The following HMGA2 variants were observed in gnomAD, a reference collection of about 807,000 sequenced individuals.
HMGA2 encodes the protein high mobility group AT-hook 2, also known as high mobility group protein HMGI-C.
Under a neutral mutation model 19.1 loss-of-function variants are expected in HMGA2, and 8 were observed. The ratio of observed to expected loss-of-function variants is 0.42; its 90% CI spans 0.25 to 0.76. The LOEUF (loss-of-function observed/expected upper bound fraction) is 0.76. Ranked by LOEUF, HMGA2 falls within the 30% of genes least tolerant of loss-of-function variation. The pLI, the probability that HMGA2 is intolerant of heterozygous loss-of-function variation, is 0.28. For synonymous variants in HMGA2, 60 were observed against 48.8 expected (o/e 1.23, Z -0.96); for missense variants, 109 against 136.3 (o/e 0.80, Z 1.00).
At chr12:65,879,913 GATGAATAGAAATCAT>G (rs1341647913) in intron 3 of HMGA2, among the ~76,000 whole-genome samples, 1 of 152,088 alleles carries the variant, frequency 6.6e-6, no homozygotes, top group Non-Finnish European at 1.5e-5. Context: ...AAAACAACTC[GATGAATAGAAATCAT>G]AAAAGCCATC....
Position 65,948,785 on chromosome 12 carries a change from T to C in HMGA2, c.250-2598T>C, listed in dbSNP as rs1313170831. Among the ~76,000 whole-genome samples, 3 of 152,170 alleles carry C rather than the reference T, an allele frequency of 2.0e-5. 1 individual carries two copies. Among genetic ancestry groups the C allele is most frequent in the African/African-American group, 7.2e-5 (3 of 41,446 alleles). ...GCCAGGGCTGGCAGAGATTCAGACA[T>C]TGTCTTTCCCCTCATTGAAGTGTCA... On this transcript the variant is annotated intron_variant, in intron 3 of 4. Coordinates refer to ENST00000403681, the MANE Select transcript of HMGA2 (RefSeq NM_003483.6).
At position 65,828,017 on chromosome 12, in the gene HMGA2, C is replaced by T. The variant is rs1870295897; in HGVS notation, c.128C>T (p.Pro43Leu). 6.2e-7 allele frequency: 1 copy of T among 1,613,396 alleles called. No homozygotes were observed. Among genetic ancestry groups the T allele is most frequent in the Non-Finnish European group, 8.5e-7 (1 of 1,179,418 alleles). ...CACAATTAGGAACCAACCGGTGAGC[C>T]CTCTCCTAAGAGACCCAGGGGAAGA... is the stretch of plus-strand genomic sequence containing the variant. ...RKQQQEPTGE[P>L]SPKRPRGRPK... Residue 43 changes from proline (P) to leucine (L), a missense_variant, in exon 2 of 5, where the codon CCC becomes CTC. Transcript: ENST00000403681.
intron 3 of HMGA2, among the ~76,000 whole-genome samples, chr12:65,852,093 T>A (rs920141077): frequency 6.7e-6 from 1 of 149,970 alleles, no homozygotes; most frequent in African/African-American, 2.4e-5. Context: ...ATTTGTACTT[T>A]GTACAAATTT....
chr12:65,949,123 G>A (rs1382542880), intron 3 of HMGA2, among the ~76,000 whole-genome samples: 5 of 152,232 alleles, frequency 3.3e-5, no homozygotes, highest in African/African-American at 4.8e-5. Flanking sequence ...AGTCCTCATC[G>A]TTCTTGGTTC....
intron 3 of HMGA2, among the ~76,000 whole-genome samples, chr12:65,847,787 G>T (rs1419678009): frequency 6.6e-6 from 1 of 152,196 alleles, no homozygotes; most frequent in Non-Finnish European, 1.5e-5. Context: ...GTTGATGTTA[G>T]TACAGTCTCA....
chr12:65,934,134 G>T (rs948575874), intron 3 of HMGA2, among the ~76,000 whole-genome samples: 1 of 152,152 alleles, frequency 6.6e-6, no homozygotes, highest in African/African-American at 2.4e-5. Flanking sequence ...GCCACTTAAA[G>T]AAAATACATT....
chr12:65,924,304 T>C (rs1198185341), intron 3 of HMGA2, among the ~76,000 whole-genome samples: 5 of 152,218 alleles, frequency 3.3e-5, no homozygotes, highest in Non-Finnish European at 7.3e-5. Context: ...TATCTGAAGA[T>C]AGTCCCAACT....
intron 3 of HMGA2, chr12:65,842,583 C>T: frequency 1.3e-6 from 2 of 1,524,672 alleles, no homozygotes; most frequent in Non-Finnish European, 1.8e-6. Context: ...ATTCTCTTTG[C>T]TATTAAGGAG....
chr12:65,928,100 G>A (rs1177809578), intron 3 of HMGA2, among the ~76,000 whole-genome samples: 1 of 151,902 alleles, frequency 6.6e-6, no homozygotes, highest in African/African-American at 2.4e-5. Flanking sequence ...GCATCAAAGA[G>A]TGTATTTACA....
At chr12:65,941,560 G>A (rs779189976) in intron 3 of HMGA2, among the ~76,000 whole-genome samples, 6 of 152,156 alleles carry the variant, frequency 3.9e-5, no homozygotes, top group Non-Finnish European at 8.8e-5. Context: ...ATATGACTCA[G>A]TTAAGTATCA....
At chr12:65,898,591 C>G (rs1874235227) in intron 3 of HMGA2, among the ~76,000 whole-genome samples, 1 of 152,110 alleles carries the variant, frequency 6.6e-6, no homozygotes, top group East Asian at 1.9e-4. Flanking sequence ...GGTTATAGTA[C>G]ATATTCAACA....
chr12:65,825,286 G>C lies in HMGA2; in HGVS notation c.16G>C (p.Glu6Gln). The change falls in exon 1 of 5, where the codon GAG becomes CAG. Residue 6 changes from glutamate to glutamine, a missense_variant. Physicochemically the swap from Glu to Gln is conservative, Grantham distance 29. Transcript: ENST00000403681. This position sits in a 1 kb window ranked among gnomAD's most constrained non-coding sequence, Gnocchi z 4.4. MSARG[E>Q]GAGQPSTSAQ... is the part of the protein sequence containing the mutation. ...GGGAGGCAGGATGAGCGCACGCGGT[G>C]AGGGCGCGGGGCAGCCGTCCACTTC... 1 of 1,532,244 alleles carries C rather than the reference G, an allele frequency of 6.5e-7. No homozygotes were observed. Among genetic ancestry groups the C allele is most frequent in the Non-Finnish European group, 8.7e-7 (1 of 1,143,716 alleles). The allele number at this position is 1,532,244 out of a possible 1,614,324, so 94.9% of individuals were successfully genotyped here. A position where few individuals can be genotyped will look rare whatever the true frequency, so the allele number is the denominator to read the frequency against.
At chr12:65,845,251 G>A (rs1403684795) in intron 3 of HMGA2, among the ~76,000 whole-genome samples, 6 of 152,016 alleles carry the variant, frequency 3.9e-5, no homozygotes, top group South Asian at 2.1e-4. Context: ...TTTTATAAGC[G>A]TTTTTGTTTT....
chr12:65,962,718 C>T (rs1876785681), intron 4 of HMGA2, among the ~76,000 whole-genome samples: 1 of 152,154 alleles, frequency 6.6e-6, no homozygotes, highest in African/African-American at 2.4e-5. Context: ...TTGTCTGTGC[C>T]TTGGTTTTCT....
intron 3 of HMGA2, among the ~76,000 whole-genome samples, chr12:65,930,961 G>GA (rs1003987591): frequency 6.6e-6 from 1 of 152,072 alleles, no homozygotes; most frequent in Non-Finnish European, 1.5e-5. Context: ...AAAAAGGAAG[G>GA]AAAAAATGTA....
chr12:65,870,080 C>T (rs897934967), intron 3 of HMGA2, among the ~76,000 whole-genome samples: 5 of 151,340 alleles, frequency 3.3e-5, no homozygotes, highest in African/African-American at 4.8e-5. Context: ...TTGAATACAA[C>T]GTATGTATAT....
chr12:65,945,343 A>C (rs1876228575), intron 3 of HMGA2, among the ~76,000 whole-genome samples: 1 of 152,180 alleles, frequency 6.6e-6, no homozygotes, highest in Non-Finnish European at 1.5e-5. Context: ...TTAAAACTAA[A>C]TCCGGAGGGC....
intron 3 of HMGA2, among the ~76,000 whole-genome samples, chr12:65,870,718 T>C (rs1375891569): frequency 6.6e-6 from 1 of 152,112 alleles, no homozygotes; most frequent in Non-Finnish European, 1.5e-5. Context: ...AGGGGGAGAC[T>C]CCATCTAAAA....
intron 3 of HMGA2, among the ~76,000 whole-genome samples, chr12:65,862,618 C>G (rs1369639456): frequency 2.0e-5 from 3 of 152,084 alleles, no homozygotes; most frequent in African/African-American, 7.2e-5. Flanking sequence ...AGGATTAGAC[C>G]TGGACTAGAA....
Sources: gnomAD v4.1 joint callset for allele counts (sites outside exome capture counted in the v4.1 genomes callset) on GRCh38, gnomAD v4.1.1 for gene constraint, Gnocchi (gnomAD v3.1) non-coding constraint, MANE v1.5 for transcripts, NCBI Gene and HGNC (gene_info 2026-07-23, HGNC 2026-07-21) for gene names.